Variants in SLC4A5 observed in about 807,000 individuals in gnomAD.
SLC4A5 encodes the protein electrogenic sodium bicarbonate cotransporter 4.
SLC4A5 carries 96 observed loss-of-function variants against 120.4 expected under a neutral mutation model. The observed-to-expected ratio is 0.80, with a 90% confidence interval of 0.68 to 0.94. The LOEUF is 0.94. Among genes scored for constraint, SLC4A5 ranks in the 40% least tolerant of loss-of-function variants. The pLI is 0.00. For missense variants in SLC4A5, 1,259 were observed against 1,459.5 expected (o/e 0.86, Z 2.24); for synonymous variants, 550 against 571.1 (o/e 0.96, Z 0.53).
intron 8 of SLC4A5, among the ~76,000 whole-genome samples, chr2:74,282,628 C>A (rs1227172615): frequency 6.6e-6 from 1 of 152,224 alleles, no homozygotes; most frequent in Non-Finnish European, 1.5e-5. Flanking sequence ...GTCTGGAGTG[C>A]AGAGGGCTTT....
intron 5 of SLC4A5, among the ~76,000 whole-genome samples, chr2:74,324,758 G>A (rs1673178791): frequency 6.6e-6 from 1 of 151,994 alleles, no homozygotes; most frequent in Admixed American, 6.5e-5. Context: ...GCCTCTGAAG[G>A]AAAGGCCATG....
At chr2:74,236,634 T>C (rs1670277945) in intron 21 of SLC4A5, among the ~76,000 whole-genome samples, 1 of 152,224 alleles carries the variant, frequency 6.6e-6, no homozygotes, top group Non-Finnish European at 1.5e-5. Context: ...TAAATATTAG[T>C]CACAGCAGAA....
At chr2:74,340,505 A>G (rs1302112554) in intron 2 of SLC4A5, among the ~76,000 whole-genome samples, 7 of 151,904 alleles carry the variant, frequency 4.6e-5, no homozygotes, top group Non-Finnish European at 1.5e-5. Context: ...GGCAGGAAAG[A>G]GATGATGGGT....
At chr2:74,241,507 G>C (rs1315969116) in intron 20 of SLC4A5, among the ~76,000 whole-genome samples, 4 of 151,782 alleles carry the variant, frequency 2.6e-5, no homozygotes, top group Admixed American at 6.6e-5. Context: ...TTGGGAGGCC[G>C]AGGCCGGCAG....
At chr2:74,235,072 G>C (rs552851187) in intron 22 of SLC4A5, 29 bp downstream of exon 22, 1 of 1,551,916 alleles carries the variant, frequency 6.4e-7, no homozygotes, top group East Asian at 2.2e-5. Context: ...AGGCAGACTG[G>C]ATGCCCAGAG....
At chr2:74,221,897 A>G (rs762279400) in intron 29 of SLC4A5, among the ~76,000 whole-genome samples, 13 of 152,094 alleles carry the variant, frequency 8.5e-5, no homozygotes, top group Non-Finnish European at 1.8e-4. Context: ...GATCTTTCAG[A>G]AGACCTCGGG....
intron 7 of SLC4A5, among the ~76,000 whole-genome samples, chr2:74,289,663 C>T (rs1240941280): frequency 3.3e-5 from 5 of 152,126 alleles, no homozygotes; most frequent in East Asian, 1.9e-4. Flanking sequence ...TGATTGCTGG[C>T]GCTTGCTAGC....
intron 26 of SLC4A5, among the ~76,000 whole-genome samples, 158 bp from the exon 27 acceptor site, chr2:74,227,288 G>A (rs145581846): frequency 6.6e-5 from 10 of 152,306 alleles, no homozygotes; most frequent in South Asian, 4.1e-4. Context: ...GTGTCTAGGC[G>A]GATGCATAAT....
chr2:74,267,569 G>A (rs1671344190), intron 8 of SLC4A5, among the ~76,000 whole-genome samples: 1 of 152,182 alleles, frequency 6.6e-6, no homozygotes, highest in Non-Finnish European at 1.5e-5. Flanking sequence ...ACATGTGTCT[G>A]GAGAAAGCAA....
intron 2 of SLC4A5, among the ~76,000 whole-genome samples, chr2:74,341,304 C>CA (rs757430815): frequency 0.25 from 18,154 of 73,902 alleles, 2,079 homozygotes; most frequent in East Asian, 0.47. Context: ...GACTCCATCT[C>CA]AAAAAAAAAA....
intron 7 of SLC4A5, among the ~76,000 whole-genome samples, chr2:74,294,040 G>T (rs765243368): frequency 4.6e-5 from 7 of 152,238 alleles, no homozygotes; most frequent in Non-Finnish European, 8.8e-5. Flanking sequence ...AAGGGAGGAA[G>T]CTCAGCTGGG....
intron 28 of SLC4A5, among the ~76,000 whole-genome samples, chr2:74,223,217 G>T (rs1049102285): frequency 7.9e-5 from 12 of 152,212 alleles, no homozygotes; most frequent in African/African-American, 2.9e-4. Flanking sequence ...TGCTGGCCAG[G>T]CTGGTCTTGA....
chr2:74,304,345 G>A (rs1407197622), intron 7 of SLC4A5, 144 bp downstream of exon 7: 2 of 771,398 alleles, frequency 2.6e-6, no homozygotes, highest in Non-Finnish European at 3.9e-6. Context: ...AACAATGGAA[G>A]CAGAGCAGAG....
intron 8 of SLC4A5, among the ~76,000 whole-genome samples, chr2:74,278,447 AG>A (rs776063365): frequency 1.7e-4 from 26 of 152,120 alleles, no homozygotes; most frequent in South Asian, 6.2e-4. Flanking sequence ...AGGACTTTGA[AG>A]GTCTCTTTTG....
rs146342292 is a variant in SLC4A5, at chr2:74,274,288, G to A, written c.402-9024C>T. 5.7e-3 allele frequency among the ~76,000 whole-genome samples: 862 copies of A among 152,266 alleles called. 10 individuals carry two copies. The highest frequency in any genetic ancestry group is 0.017 in the Middle Eastern group (5 of 294). ...ACTGCACTCTAGCCTGGGCAACAGA[G>A]CAAGACTCTGTCTCAAAAAAACGGG... On this transcript the variant is annotated intron_variant, in intron 8 of 30. Coordinates refer to ENST00000394019, the Ensembl canonical transcript of SLC4A5.
chr2:74,270,804 T>C (rs775207764), intron 8 of SLC4A5, among the ~76,000 whole-genome samples: 4 of 152,196 alleles, frequency 2.6e-5, no homozygotes, highest in Admixed American at 6.5e-5. Flanking sequence ...TGTAGGTACA[T>C]AGAATGGTGT....
At chr2:74,221,593 C>A in intron 29 of SLC4A5, 92 bp from the exon 30 acceptor site, 2 of 1,312,156 alleles carry the variant, frequency 1.5e-6, no homozygotes, top group South Asian at 1.2e-5. Flanking sequence ...TTTTCCTTCT[C>A]TAACCCTAGA....
chr2:74,259,622 A>G, exon 12 of SLC4A5: 3 of 1,614,168 alleles, frequency 1.9e-6, no homozygotes, highest in Non-Finnish European at 2.5e-6. Flanking sequence ...AATGTCATTC[A>G]TGCTTCTGCT....
intron 8 of SLC4A5, among the ~76,000 whole-genome samples, chr2:74,266,419 C>T (rs1329960180): frequency 6.6e-6 from 1 of 152,134 alleles, no homozygotes; most frequent in Non-Finnish European, 1.5e-5. Context: ...CATGCATGCA[C>T]CATCACGCTT....
Sources: allele counts gnomAD v4.1 joint callset (sites outside exome capture counted in the v4.1 genomes callset), GRCh38; gene constraint gnomAD v4.1.1; transcripts MANE v1.5; gene names NCBI Gene and HGNC (gene_info 2026-07-23, HGNC 2026-07-21).